The following CNOT1 variants were observed in gnomAD, a reference collection of about 807,000 sequenced individuals.
CNOT1 encodes the protein CCR4-associated factor 1.
Under a neutral mutation model 273.8 loss-of-function variants are expected in CNOT1, and 15 were observed. That is an observed-to-expected ratio of 0.05 (90% CI 0.04 to 0.08). The LOEUF is 0.08. CNOT1 is among the 10% of genes least tolerant of loss of function. CNOT1 has a pLI of 1.00. For synonymous variants in CNOT1, 1,022 were observed against 1,005.5 expected (o/e 1.02, Z -0.31); for missense variants, 1,644 against 2,912.2 (o/e 0.56, Z 10.02).
chr16:58,580,531 C>T lies in CNOT1; in HGVS notation c.1343+102G>A, dbSNP rs139540453. ...ATAAGTAAGGTCACTAAAACTACTG[C>T]TTCATTTAAACCTGTTAACTATGTA... On this transcript the variant is annotated intron_variant, in intron 12 of 48. Transcript: ENST00000317147. 20 of 1,445,072 alleles carry T rather than the reference C, an allele frequency of 1.4e-5. No individual in the cohort carries two copies. In the African/African-American group the frequency reaches 2.3e-4, roughly 17 times the overall value. The allele number at this position is 1,445,072 out of a possible 1,614,324, so 89.5% of individuals were successfully genotyped here.
intron 38 of CNOT1, among the ~76,000 whole-genome samples, 159 bp from the exon 39 acceptor site, chr16:58,537,379 T>C (rs963240532): frequency 6.6e-6 from 1 of 152,210 alleles, no homozygotes; most frequent in African/African-American, 2.4e-5. Context: ...TAGTCTCTTA[T>C]CCGCTTGCTC....
At chr16:58,611,591 AAGG>A (rs1296038601) in intron 1 of CNOT1, among the ~76,000 whole-genome samples, 2 of 152,100 alleles carry the variant, frequency 1.3e-5, no homozygotes, top group Non-Finnish European at 2.9e-5. Flanking sequence ...GAGGCCAAGG[AAGG>A]AGGATCACCT....
chr16:58,620,707 C>G (rs1474274484), intron 1 of CNOT1, among the ~76,000 whole-genome samples: 1 of 123,384 alleles, frequency 8.1e-6, no homozygotes, highest in Non-Finnish European at 1.6e-5. Context: ...GGTACCACTG[C>G]TTAACAGTCT....
rs1597414864 is a variant in CNOT1 at position 58,536,855 on chromosome 16, T to G, written c.5646+134A>C. On this transcript the variant is annotated intron_variant, in intron 39 of 48. Coordinates refer to ENST00000317147, the MANE Select transcript of CNOT1 (RefSeq NM_016284.5). ...AACAGGCTGTAATTTAACCATATAATGATGACAGTTTGGGTTTGCATGAGT... is the reference window on the plus strand; with the variant it reads ...AACAGGCTGTAATTTAACCATATAAGGATGACAGTTTGGGTTTGCATGAGT... 4 of 1,364,940 alleles carry G rather than the reference T, an allele frequency of 2.9e-6. No homozygotes were observed. In the East Asian group the frequency reaches 1.0e-4, roughly 34 times the overall value. The allele number at this position is 1,364,940 out of a possible 1,614,324, so 84.6% of individuals were successfully genotyped here.
intron 48 of CNOT1, 44 bp downstream of exon 48, chr16:58,521,139 C>G (rs1161241138): frequency 6.2e-7 from 1 of 1,613,284 alleles, no homozygotes; most frequent in Admixed American, 1.7e-5. Flanking sequence ...GGTTTTCAGT[C>G]TCCAGTCTCA....
intron 1 of CNOT1, among the ~76,000 whole-genome samples, chr16:58,600,629 G>A (rs2042427379): frequency 6.6e-6 from 1 of 152,158 alleles, no homozygotes; most frequent in Non-Finnish European, 1.5e-5. Context: ...TTAGGTATTT[G>A]AATGGCTGTA....
chr16:58,553,799 G>A lies in CNOT1; in HGVS notation c.2953C>T (p.Pro985Ser). The change falls in exon 22 of 49, where the codon CCA becomes TCA. Residue 985 changes from proline to serine, a missense_variant. This residue lies in a region of CNOT1 where 77 missense variants were observed against 90.5 expected (regional missense o/e 0.85). Transcript: ENST00000317147. ...GCACTTACCTCCTGTAAATGATGTGGAAATTGCATAAAGTGACTGATAGAA... is the reference window on the plus strand; with the variant it reads ...GCACTTACCTCCTGTAAATGATGTGAAAATTGCATAAAGTGACTGATAGAA... The part of the protein sequence containing the change: ...LASISHFMQF[P>S]HHLQEYIEYG... The A allele has an allele frequency of 6.2e-7, 1 of 1,611,572 alleles. No homozygotes were observed. Among genetic ancestry groups the A allele is most frequent in the Non-Finnish European group, 8.5e-7 (1 of 1,179,342 alleles).
At chr16:58,551,524 G>C in intron 23 of CNOT1, 65 bp downstream of exon 23, 1 of 1,520,760 alleles carries the variant, frequency 6.6e-7, no homozygotes, top group African/African-American at 1.4e-5. Flanking sequence ...TCTAATACAT[G>C]TTCACCACTG....
chr16:58,605,604 T>C (rs112370067), intron 1 of CNOT1, among the ~76,000 whole-genome samples: 2,760 of 152,264 alleles, frequency 0.018, 43 homozygotes, highest in Middle Eastern at 0.12. Context: ...GAAACAACTA[T>C]AATTCTAAGG....
chr16:58,606,782 C>A (rs2042695789), intron 1 of CNOT1, among the ~76,000 whole-genome samples: 1 of 150,522 alleles, frequency 6.6e-6, no homozygotes, highest in Non-Finnish European at 1.5e-5. Flanking sequence ...CTAGCCTGGG[C>A]AGCAGAGCAA....
At chr16:58,622,094 C>CTT (rs2043351082) in intron 1 of CNOT1, among the ~76,000 whole-genome samples, 2 of 150,676 alleles carry the variant, frequency 1.3e-5, no homozygotes, top group African/African-American at 2.4e-5. Flanking sequence ...GGGTGGATCA[C>CTT]GAGGTCAGGA....
rs542279891 is a variant in CNOT1 at position 58,627,165 on chromosome 16, T to C, written c.-175+2563A>G. ...GGCTCACGTCTGTAATCCCAGCACT[T>C]TGGGAGGGTGAGGCGGGTGGATCAT... On this transcript the variant is annotated intron_variant, in intron 1 of 48. Transcript: ENST00000317147. 5.5e-4 allele frequency among the ~76,000 whole-genome samples: 83 copies of C among 152,132 alleles called. 1 individual carries two copies. The highest frequency in any genetic ancestry group is 6.2e-4 in the Non-Finnish European group (42 of 67,972).
intron 16 of CNOT1, among the ~76,000 whole-genome samples, chr16:58,573,903 A>G (rs1018740574): frequency 6.6e-6 from 1 of 152,096 alleles, no homozygotes; most frequent in Non-Finnish European, 1.5e-5. Context: ...CTGAAAACCT[A>G]TTGTGATCAA....
rs1197319798 is a variant in CNOT1, at chr16:58,547,427, C to T, written c.3640-131G>A. On this transcript the variant is annotated intron_variant, in intron 26 of 48. Coordinates refer to ENST00000317147, the MANE Select transcript of CNOT1 (RefSeq NM_016284.5). The surrounding 1 kb of genome is among the most constrained non-coding windows in gnomAD (Gnocchi z 4.0). ...AACATAATGTCTAGTCCTTGCCTTA[C>T]AAAAAGGGGTTAACAACTCAAAACG... 2 of 1,506,062 alleles carry T rather than the reference C, an allele frequency of 1.3e-6. No individual in the cohort carries two copies. Among genetic ancestry groups the T allele is most frequent in the Admixed American group, 2.2e-5 (1 of 46,498 alleles). The allele number at this position is 1,506,062 out of a possible 1,614,324, so 93.3% of individuals were successfully genotyped here.
At chr16:58,601,805 G>A (rs891707756) in intron 1 of CNOT1, among the ~76,000 whole-genome samples, 1 of 143,780 alleles carries the variant, frequency 7.0e-6, no homozygotes, top group African/African-American at 2.5e-5. Context: ...GGGAGGCTGA[G>A]GCAGGAGGAT....
chr16:58,614,931 C>T lies in CNOT1; in HGVS notation c.-175+14797G>A, dbSNP rs992562767. Among the ~76,000 whole-genome samples, 8 of 121,632 alleles carry T rather than the reference C, an allele frequency of 6.6e-5. 1 individual carries two copies. The highest frequency in any genetic ancestry group is 2.4e-4 in the South Asian group (1 of 4,130). The allele number at this position is 121,632 out of a possible 152,430, so 79.8% of individuals were successfully genotyped here. On this transcript the variant is annotated intron_variant, in intron 1 of 48. Transcript: ENST00000317147. The stretch of plus-strand genomic sequence containing the variant: ...CATGTTGGCCAGGCTGGTCTTGGAA[C>T]GCCTGGCCTCAACTGATCTGCCCGC...
intron 1 of CNOT1, among the ~76,000 whole-genome samples, chr16:58,619,933 AGTC>A (rs2043248759): frequency 6.6e-6 from 1 of 152,066 alleles, no homozygotes; most frequent in Non-Finnish European, 1.5e-5. Context: ...TACTAGAGAT[AGTC>A]ATGATATTCT....
chr16:58,565,406 T>C (rs534490967), intron 16 of CNOT1, among the ~76,000 whole-genome samples: 3 of 152,328 alleles, frequency 2.0e-5, no homozygotes, highest in Admixed American at 2.0e-4. Context: ...TAAGCCACCA[T>C]GCTCAGCCTT....
intron 2 of CNOT1, among the ~76,000 whole-genome samples, chr16:58,596,911 A>AAAC (rs1184400009): frequency 7.4e-6 from 1 of 134,744 alleles, no homozygotes; most frequent in Non-Finnish European, 1.7e-5. Flanking sequence ...AAAAAAAAAA[A>AAAC]AAAAAACAAA....
Sources: gnomAD v4.1 joint callset for allele counts (sites outside exome capture counted in the v4.1 genomes callset) on GRCh38, gnomAD v4.1.1 for gene constraint, gnomAD v4.1.1 regional missense constraint, Gnocchi (gnomAD v3.1) non-coding constraint, MANE v1.5 for transcripts, NCBI Gene and HGNC (gene_info 2026-07-23, HGNC 2026-07-21) for gene names.